Variants in PPRC1 observed in about 807,000 individuals in gnomAD.
PPRC1 encodes PPARG related coactivator 1.
In PPRC1, 23 loss-of-function variants were observed where a neutral mutation model predicts 132.5. The observed-to-expected ratio is 0.17, with a 90% CI of 0.12 to 0.25. The LOEUF is 0.25. PPRC1 is among the 10% of genes least tolerant of loss of function. The probability of loss-of-function intolerance (pLI) is 1.00; values close to 1 mark genes in which losing one functional copy is unlikely to be tolerated. For missense variants in PPRC1, 2,006 were observed against 2,089.1 expected, an observed-to-expected ratio of 0.96 and a Z score of 0.78; for synonymous variants, 872 against 833.5, an observed-to-expected ratio of 1.05 and a Z score of -0.80.
Position 102,142,081 on chromosome 10 carries a change from A to C in PPRC1, c.3496+77A>C, listed in dbSNP as rs2069009227. ...TAGAATAGGATAAGCCACCCTGATG[A>C]GGCTGGCCTTTGTTGGATTTCTTTG... On this transcript the variant is annotated intron_variant, in intron 5 of 13. Transcript: ENST00000278070. 2.7e-6 allele frequency: 4 copies of C among 1,470,224 alleles called. No individual in the cohort carries two copies. The East Asian group carries it at 9.2e-5, about 34-fold the overall frequency. 91.1% of individuals were successfully genotyped at this position (1,470,224 alleles called of 1,614,324 possible). A position where few individuals can be genotyped will look rare whatever the true frequency, so the allele number is the denominator to read the frequency against.
rs773272872 is a variant in PPRC1 at position 102,139,469 on chromosome 10, A to G, written c.961A>G (p.Thr321Ala). Residue 321 changes from threonine (T) to alanine (A), a missense_variant, in exon 5 of 14, where the codon ACC becomes GCC. Transcript: ENST00000278070. Reference sequence around the variant, plus strand: ...GCACCCATACTGCCTGCCCAACCTCACCCACCTGGCATCACTTGAGGATGA... The same window carrying G: ...GCACCCATACTGCCTGCCCAACCTCGCCCACCTGGCATCACTTGAGGATGA... ...AMHPYCLPNL[T>A]HLASLEDELQ... The G allele has an allele frequency of 3.1e-6, 5 of 1,613,818 alleles. No individual in the cohort carries two copies. The highest frequency in any genetic ancestry group is 4.2e-6 in the Non-Finnish European group (5 of 1,179,818).
chr10:102,144,552 G>A, intron 7 of PPRC1: 2 of 555,262 alleles, frequency 3.6e-6, no homozygotes, highest in East Asian at 3.1e-5. Flanking sequence ...TCCTAGAGGT[G>A]CCTTTTATCT....
At position 102,138,860 on chromosome 10, in the gene PPRC1, G is replaced by A. The variant is rs779059832; in HGVS notation, c.490-19G>A. 1.2e-6 allele frequency: 2 copies of A among 1,613,002 alleles called. No homozygotes were observed. Among genetic ancestry groups the A allele is most frequent in the South Asian group, 2.2e-5 (2 of 91,052 alleles). ...GCTCTGAAGCATAGACTGATCTCAG[G>A]TCTTTCTTTCCCTCTTAGCTGCACA... On this transcript the variant is annotated intron_variant, in intron 3 of 13. Transcript: ENST00000278070.
chr10:102,144,749 G>A (rs1052366994), intron 7 of PPRC1: 2 of 509,664 alleles, frequency 3.9e-6, no homozygotes, highest in African/African-American at 3.8e-5. Context: ...TCAGGTTGGT[G>A]TGAGCTGGGC....
Position 102,139,641 on chromosome 10 carries a change from A to G in PPRC1, c.1133A>G (p.Asp378Gly), listed in dbSNP as rs201640666. Reference sequence around the variant, plus strand: ...CCTGGACCCCGGCCTGTGCTCCTGGATGACTCGCTAGAGACTAGTTCTGCC... The same window carrying G: ...CCTGGACCCCGGCCTGTGCTCCTGGGTGACTCGCTAGAGACTAGTTCTGCC... ...VSPGPRPVLL[D>G]DSLETSSALQ... The change falls in exon 5 of 14, where the codon GAT becomes GGT. Residue 378 changes from aspartate to glycine, a missense_variant. This residue lies in a region of PPRC1 where 1,914 missense variants were observed against 1,917.2 expected (regional missense o/e 1.00). Transcript: ENST00000278070. The G allele has an allele frequency of 1.9e-6, 3 of 1,614,004 alleles. No homozygotes were observed. The highest frequency in any genetic ancestry group is 3.3e-5 in the Admixed American group (2 of 60,014).
chr10:102,138,972 G>A lies in PPRC1; in HGVS notation c.583G>A (p.Gly195Arg). The A allele has an allele frequency of 6.2e-7, 1 of 1,613,678 alleles. No individual in the cohort carries two copies. Among genetic ancestry groups the A allele is most frequent in the Non-Finnish European group, 8.5e-7 (1 of 1,179,554 alleles). Reference sequence around the variant, plus strand: ...GGGGCCCAGTACAGGCAGCAGTAGAGGGAGTGGGGTAAGCCTGACCTAGAG... The same window carrying A: ...GGGGCCCAGTACAGGCAGCAGTAGAAGGAGTGGGGTAAGCCTGACCTAGAG... ...PLGPSTGSSR[G>R]SGVEMSLPDP... Residue 195 changes from glycine (G) to arginine (R), a missense_variant, in exon 4 of 14, where the codon GGG (glycine) becomes AGG (arginine). Physicochemically the swap from Gly to Arg is moderately radical, Grantham distance 125. This residue lies in a region of PPRC1 where 1,914 missense variants were observed against 1,917.2 expected (regional missense o/e 1.00). Coordinates refer to ENST00000278070, the MANE Select transcript of PPRC1 (RefSeq NM_015062.5).
At chr10:102,145,371 C>T (rs2069177781) in intron 8 of PPRC1, among the ~76,000 whole-genome samples, 1 of 151,916 alleles carries the variant, frequency 6.6e-6, no homozygotes, top group Non-Finnish European at 1.5e-5. Context: ...AGTTCGAGAC[C>T]AGCCTGGCCA....
intron 5 of PPRC1, among the ~76,000 whole-genome samples, chr10:102,142,733 T>A (rs931034290): frequency 6.6e-6 from 1 of 152,138 alleles, no homozygotes; most frequent in Non-Finnish European, 1.5e-5. Flanking sequence ...TTTTAAGAGA[T>A]GAGGTCTCAC....
chr10:102,141,636 C>G lies in PPRC1; in HGVS notation c.3128C>G (p.Pro1043Arg). The change falls in exon 5 of 14, where the codon CCT becomes CGT. Residue 1043 changes from proline to arginine, a missense_variant. Pro to Arg is a moderately radical substitution (Grantham distance 103, BLOSUM62 -2). Transcript: ENST00000278070. ...GCTCCTCCCCTCAGTCTTGGGCTAC[C>G]TGGCCATGGAGCTCCTCAGACAGAG... Reference protein sequence around the residue: ...SMAPPLSLGLPGHGAPQTEPT... With the variant: ...SMAPPLSLGLRGHGAPQTEPT... The G allele has an allele frequency of 6.2e-7, 1 of 1,614,160 alleles. No homozygotes were observed. The highest frequency in any genetic ancestry group is 8.5e-7 in the Non-Finnish European group (1 of 1,180,016).
At chr10:102,132,887 T>C (rs564775732), upstream of PPRC1, 1 of 870,922 alleles carries the variant, frequency 1.1e-6, no homozygotes, top group South Asian at 6.1e-5. Flanking sequence ...AAGGGACTAC[T>C]ACTCCCAGGA....
chr10:102,149,155 C>A (rs1161437539), intron 12 of PPRC1, 23 bp from the exon 13 acceptor site: 1 of 1,562,526 alleles, frequency 6.4e-7, no homozygotes, highest in Non-Finnish European at 8.7e-7. Flanking sequence ...ACTCCAGCCC[C>A]TGCCTCACTC....
intron 13 of PPRC1, 127 bp from the exon 14 acceptor site, chr10:102,149,799 T>A (rs1590366927): frequency 1.4e-6 from 1 of 739,710 alleles, no homozygotes; most frequent in East Asian, 2.6e-5. Flanking sequence ...CTCTCCTATC[T>A]CTTTGACTTA....
intron 8 of PPRC1, among the ~76,000 whole-genome samples, chr10:102,146,022 A>AGACG (rs2133706329): frequency 6.6e-6 from 1 of 152,148 alleles, no homozygotes; most frequent in African/African-American, 2.4e-5. Context: ...CTAGGAAGAC[A>AGACG]GAGCATCTTG....
the PPRC1 span, chr10:102,120,227 C>CCGGCCCGGCCT: frequency 3.0e-6 from 3 of 984,900 alleles, no homozygotes; most frequent in Non-Finnish European, 2.4e-6. Context: ...CGCCGCCGGC[C>CCGGCCCGGCCT]CGGCCCGGCC....
chr10:102,140,683 A>T lies in PPRC1; in HGVS notation c.2175A>T (p.Glu725Asp), dbSNP rs777022891. Reference sequence around the variant, plus strand: ...ACCCACCAAAGACCATCATCCCTGAAGTCAAAGAGGTTGTGGATTCTCTGA... The same window carrying T: ...ACCCACCAAAGACCATCATCCCTGATGTCAAAGAGGTTGTGGATTCTCTGA... ...SLDPPKTIIPEVKEVVDSLKI... is the reference protein window; with the variant it reads ...SLDPPKTIIPDVKEVVDSLKI... Residue 725 changes from glutamate to aspartate, a missense_variant, in exon 5 of 14, where the codon GAA becomes GAT. This residue lies in a region of PPRC1 where 1,914 missense variants were observed against 1,917.2 expected (regional missense o/e 1.00). Transcript: ENST00000278070. 2.5e-6 allele frequency: 4 copies of T among 1,613,944 alleles called. No homozygotes were observed. In the Admixed American group the frequency reaches 5.0e-5, roughly 20 times the overall value.
chr10:102,137,976 A>T lies in PPRC1; in HGVS notation c.280A>T (p.Met94Leu). 2 of 1,614,180 alleles carry T rather than the reference A, an allele frequency of 1.2e-6. No homozygotes were observed. Among genetic ancestry groups the T allele is most frequent in the Non-Finnish European group, 1.7e-6 (2 of 1,180,028 alleles). The change falls in exon 2 of 14, where the codon ATG (methionine) becomes TTG (leucine). Residue 94 changes from methionine to leucine, a missense_variant. Met to Leu is a conservative substitution (Grantham distance 15). Coordinates refer to ENST00000278070, the MANE Select transcript of PPRC1 (RefSeq NM_015062.5). ...MLQDETLLGT[M>L]QSYMDASLIS... Reference sequence around the variant, plus strand: ...GCAGGATGAGACACTGCTGGGGACCATGCAGAGCTACATGGATGCCTCCCT... The same window carrying T: ...GCAGGATGAGACACTGCTGGGGACCTTGCAGAGCTACATGGATGCCTCCCT...
chr10:102,132,562 C>G (rs1411102641), upstream of PPRC1, among the ~76,000 whole-genome samples: 1 of 152,224 alleles, frequency 6.6e-6, no homozygotes, highest in East Asian at 1.9e-4. Context: ...CGACATTTTC[C>G]GATTAAGTTT....
chr10:102,124,056 T>G, the PPRC1 span, among the ~76,000 whole-genome samples: 1 of 151,800 alleles, frequency 6.6e-6, no homozygotes, highest in Non-Finnish European at 1.5e-5. Context: ...TAGCTTTTTA[T>G]TTTTAAACTT....
intron 9 of PPRC1, among the ~76,000 whole-genome samples, 198 bp downstream of exon 9, chr10:102,147,590 T>C (rs2069319257): frequency 6.6e-6 from 1 of 152,224 alleles, no homozygotes; most frequent in Admixed American, 6.5e-5. Context: ...CTGTCCCCTG[T>C]TGGAGCTTGG....
Sources: gnomAD v4.1 joint callset for allele counts (sites outside exome capture counted in the v4.1 genomes callset) on GRCh38, gnomAD v4.1.1 for gene constraint, gnomAD v4.1.1 regional missense constraint, MANE v1.5 for transcripts, NCBI Gene and HGNC (gene_info 2026-07-23, HGNC 2026-07-21) for gene names.